TRPC3: variants seen among roughly 807,000 people sequenced by gnomAD.
The protein encoded by TRPC3 is transient receptor potential cation channel subfamily C member 3.
A neutral mutation model predicts 90.9 loss-of-function variants in TRPC3; 54 were observed. The ratio of observed to expected loss-of-function variants is 0.59; its 90% CI spans 0.48 to 0.75. TRPC3 has a LOEUF of 0.75. Among genes scored for constraint, TRPC3 ranks in the 30% least tolerant of loss-of-function variants. The pLI is 0.00. For missense variants in TRPC3, 918 were observed against 1,194.5 expected (o/e 0.77, Z 3.41); for synonymous variants, 424 against 450.9 (o/e 0.94, Z 0.75).
Position 121,925,037 on chromosome 4 carries a change from A to G in TRPC3, c.1157T>C (p.Ile386Thr). 1 of 1,612,918 alleles carries G rather than the reference A, an allele frequency of 6.2e-7. No homozygotes were observed. The highest frequency in any genetic ancestry group is 8.5e-7 in the Non-Finnish European group (1 of 1,179,644). The change falls in exon 3 of 12, where the codon ATT becomes ACT. Residue 386 changes from isoleucine (I) to threonine (T), a missense_variant. Around this residue, in one of 4 missense-constraint regions of TRPC3, gnomAD observed 609 missense variants for 725.9 expected, o/e 0.84. Coordinates refer to ENST00000379645, the MANE Select transcript of TRPC3 (RefSeq NM_001130698.2). Reference protein sequence around the residue: ...KASLSRVKLAIKYEVKKFVAH... With the variant: ...KASLSRVKLATKYEVKKFVAH... ...ACTCACCTTTTTGACTTCATACTTA[A>G]TGGCAAGTTTGACACGACTTAATGA...
intron 1 of TRPC3, among the ~76,000 whole-genome samples, chr4:121,944,012 C>G (rs75430051): frequency 4.3e-3 from 649 of 152,166 alleles, no homozygotes; most frequent in Non-Finnish European, 7.0e-3. Flanking sequence ...CCTAATTATT[C>G]TCATAAAGTC....
intron 3 of TRPC3, among the ~76,000 whole-genome samples, chr4:121,921,479 G>A (rs1560706691): frequency 7.9e-6 from 1 of 127,148 alleles, no homozygotes; most frequent in Non-Finnish European, 1.6e-5. Context: ...CCGAGATCGC[G>A]CCACTGCACT....
intron 8 of TRPC3, 134 bp from the exon 9 acceptor site, chr4:121,903,195 A>T: frequency 1.4e-6 from 1 of 700,250 alleles, no homozygotes; most frequent in Non-Finnish European, 2.3e-6. Context: ...ATCTACATAT[A>T]TTCTATAGAC....
intron 2 of TRPC3, among the ~76,000 whole-genome samples, chr4:121,929,842 A>T (rs892100410): frequency 6.6e-6 from 1 of 151,968 alleles, no homozygotes; most frequent in Non-Finnish European, 1.5e-5. Flanking sequence ...AGGAAAAAAA[A>T]TCACCTCTTT....
intron 1 of TRPC3, among the ~76,000 whole-genome samples, chr4:121,945,764 T>C (rs982041598): frequency 3.9e-5 from 6 of 152,126 alleles, no homozygotes; most frequent in African/African-American, 1.4e-4. Context: ...AGAAATGCTC[T>C]AGACGTGGGG....
chr4:121,907,652 T>C, intron 6 of TRPC3, 85 bp from the exon 7 acceptor site: 1 of 1,429,246 alleles, frequency 7.0e-7, no homozygotes, highest in African/African-American at 1.4e-5. Flanking sequence ...ATAGGATCTA[T>C]CTTGTAGGTA....
intron 1 of TRPC3, among the ~76,000 whole-genome samples, chr4:121,948,928 G>A (rs1185485338): frequency 6.7e-6 from 1 of 150,170 alleles, no homozygotes; most frequent in African/African-American, 2.5e-5. Context: ...AACTGCTCAT[G>A]CCCAGTCTCA....
At chr4:121,906,383 A>T (rs1042265512) in intron 7 of TRPC3, among the ~76,000 whole-genome samples, 2 of 152,164 alleles carry the variant, frequency 1.3e-5, no homozygotes, top group Non-Finnish European at 2.9e-5. Context: ...GGGGGCAGGG[A>T]TCACATTGTG....
At chr4:121,949,575 G>A (rs1425609532) in intron 1 of TRPC3, among the ~76,000 whole-genome samples, 3 of 152,118 alleles carry the variant, frequency 2.0e-5, no homozygotes, top group African/African-American at 7.2e-5. Context: ...GGAATAAACA[G>A]CTAATCTCTG....
rs1443384837 is a variant in TRPC3 at position 121,879,166 on chromosome 4, A to C, written c.*570T>G. ...CTCAGTGGTTCTAGGATTATCAGTG[A>C]CACCTAAAATTCTAAGAATGTCTTA... On this transcript the variant is annotated 3_prime_UTR_variant, in exon 12 of 12. Transcript: ENST00000379645. 2 of 151,744 alleles carry C rather than the reference A, an allele frequency of 1.3e-5. No homozygotes were observed. The highest frequency in any genetic ancestry group is 4.8e-5 in the African/African-American group (2 of 41,294). The allele number at this position is 151,744 out of a possible 1,614,324, so 9.4% of individuals were successfully genotyped here. A position where few individuals can be genotyped will look rare whatever the true frequency, so the allele number is the denominator to read the frequency against.
At chr4:121,880,958 CA>C (rs111796135) in intron 11 of TRPC3, among the ~76,000 whole-genome samples, 26,772 of 127,966 alleles carry the variant, frequency 0.21, 4,803 homozygotes, top group African/African-American at 0.49. Flanking sequence ...CCTTTTGTGG[CA>C]AAAAAAAAAA....
chr4:121,896,026 A>G (rs1728506282), intron 10 of TRPC3, among the ~76,000 whole-genome samples: 1 of 152,168 alleles, frequency 6.6e-6, no homozygotes. Context: ...ACATACAAAA[A>G]TCAATAAACA....
At chr4:121,916,698 C>G (rs1041485117) in intron 3 of TRPC3, among the ~76,000 whole-genome samples, 5 of 151,462 alleles carry the variant, frequency 3.3e-5, no homozygotes, top group Admixed American at 2.0e-4. Context: ...GATTTCCAGC[C>G]TCCAGAACTG....
At chr4:121,941,877 T>C (rs931563112) in intron 1 of TRPC3, among the ~76,000 whole-genome samples, 8 of 152,160 alleles carry the variant, frequency 5.3e-5, no homozygotes, top group Admixed American at 5.2e-4. Context: ...CCAGTAGCCA[T>C]TAAGTACACC....
chr4:121,880,173 T>C (rs1727892528), intron 11 of TRPC3, among the ~76,000 whole-genome samples: 2 of 152,200 alleles, frequency 1.3e-5, no homozygotes. Context: ...AACTGATCTA[T>C]AGCCAAGATA....
chr4:121,921,921 T>TGG (rs2149133943), intron 3 of TRPC3, among the ~76,000 whole-genome samples: 1 of 115,606 alleles, frequency 8.7e-6, no homozygotes, highest in African/African-American at 3.0e-5. Context: ...TTTTTTTTGT[T>TGG]TTTTTTTTTT....
intron 5 of TRPC3, 47 bp from the exon 6 acceptor site, chr4:121,910,434 A>T: frequency 1.4e-6 from 2 of 1,475,464 alleles, no homozygotes; most frequent in Non-Finnish European, 1.9e-6. Flanking sequence ...TACAGGCCAG[A>T]CTGAGAAGCC....
At chr4:121,936,336 C>T (rs1730126265) in intron 1 of TRPC3, among the ~76,000 whole-genome samples, 1 of 152,138 alleles carries the variant, frequency 6.6e-6, no homozygotes, top group Admixed American at 6.6e-5. Flanking sequence ...ATGTTTAGCT[C>T]TAGTAATGTT....
chr4:121,891,232 TAAC>T (rs1308708043), intron 10 of TRPC3, among the ~76,000 whole-genome samples: 5 of 152,160 alleles, frequency 3.3e-5, no homozygotes, highest in African/African-American at 4.8e-5. Flanking sequence ...AAATAAATTA[TAAC>T]CTAAGTATAT....
Sources: gnomAD v4.1 joint callset for allele counts (sites outside exome capture counted in the v4.1 genomes callset) on GRCh38, gnomAD v4.1.1 for gene constraint, gnomAD v4.1.1 regional missense constraint, MANE v1.5 for transcripts, NCBI Gene and HGNC (gene_info 2026-07-23, HGNC 2026-07-21) for gene names.